RARS1: variants seen among roughly 807,000 people sequenced by gnomAD.
RARS1 encodes the protein arginyl-tRNA synthetase 1.
Under a neutral mutation model 78.7 loss-of-function variants are expected in RARS1, and 75 were observed. That is an observed-to-expected ratio of 0.95 (90% CI 0.79 to 1.15). The LOEUF (loss-of-function observed/expected upper bound fraction) is 1.15, where lower values mean the gene tolerates loss of function less well. Among genes scored for constraint, RARS1 ranks in the 50% most tolerant of loss-of-function variants. The pLI is 0.00. For missense variants in RARS1, 787 were observed against 787.5 expected, an observed-to-expected ratio of 1.00 and a Z score of 0.01; for synonymous variants, 273 against 268.2, an observed-to-expected ratio of 1.02 and a Z score of -0.18.
chr5:168,486,538 C>A lies in RARS1; in HGVS notation c.40C>A (p.Gln14Lys). 6.4e-7 allele frequency: 1 copy of A among 1,557,662 alleles called. No individual in the cohort carries two copies. The highest frequency in any genetic ancestry group is 8.7e-7 in the Non-Finnish European group (1 of 1,149,804). Residue 14 changes from glutamine (Q) to lysine (K), a missense_variant, in exon 1 of 15, where the codon CAG becomes AAG. Transcript: ENST00000231572. ...LVSECSARLL[Q>K]QEEEIKSLTA... is the part of the protein sequence containing the mutation. ...GTCTGAGTGCTCCGCGCGGCTGCTG[C>A]AGCAGGTTTGGACGCAGGAGACCGG... is the stretch of plus-strand genomic sequence containing the variant.
chr5:168,517,020 CT>C (rs35717210), intron 13 of RARS1, 70 bp downstream of exon 13: 111,563 of 1,058,534 alleles, frequency 0.11, no homozygotes, highest in South Asian at 0.14. Context: ...AAAATATTTT[CT>C]TTTTTTTTTT....
chr5:168,489,900 C>T (rs1266575035), intron 2 of RARS1, among the ~76,000 whole-genome samples: 4 of 151,770 alleles, frequency 2.6e-5, no homozygotes, highest in Non-Finnish European at 5.9e-5. Flanking sequence ...CAATAACCTC[C>T]ACCTCCCAGG....
At chr5:168,512,300 C>T (rs1477733337) in intron 12 of RARS1, among the ~76,000 whole-genome samples, 1 of 152,122 alleles carries the variant, frequency 6.6e-6, no homozygotes, top group Admixed American at 6.5e-5. Flanking sequence ...GTTGTTCAAG[C>T]CCTTTTAGAG....
At chr5:168,499,684 A>G (rs1015051852) in intron 7 of RARS1, among the ~76,000 whole-genome samples, 1 of 151,504 alleles carries the variant, frequency 6.6e-6, no homozygotes, top group African/African-American at 2.4e-5. Context: ...GTATAAATAA[A>G]TTGTTAAAAT....
chr5:168,500,605 G>C lies in RARS1; in HGVS notation c.837G>C (p.Arg279Ser). The C allele has an allele frequency of 6.4e-7, 1 of 1,566,466 alleles. No individual in the cohort carries two copies. Among genetic ancestry groups the C allele is most frequent in the Non-Finnish European group, 8.6e-7 (1 of 1,159,986 alleles). Residue 279 changes from arginine (R) to serine (S), a missense_variant, in exon 8 of 15, where the codon AGG (arginine) becomes AGC (serine). Coordinates refer to ENST00000231572, the MANE Select transcript of RARS1 (RefSeq NM_002887.4). ...LQVFYKESKK[R>S]FDTEEEFKKR... ...TATATATACAGGAATCTAAGAAGAG[G>C]TTTGATACTGAGGAGGAATTTAAGA...
rs140857749 is a variant in RARS1 at position 168,504,199 on chromosome 5, A to G, written c.1058-1822A>G. On this transcript the variant is annotated intron_variant, in intron 9 of 14. Transcript: ENST00000231572. ...GAGTTTGAGGCCAGCCTGGGCAACAATGTGTGAGACCCTGTCTCTACAAAT... is the reference window on the plus strand; with the variant it reads ...GAGTTTGAGGCCAGCCTGGGCAACAGTGTGTGAGACCCTGTCTCTACAAAT... Among the ~76,000 whole-genome samples the G allele has an allele frequency of 8.7e-3, 1,328 of 152,012 alleles. 13 individuals carry two copies. The highest frequency in any genetic ancestry group is 0.014 in the Non-Finnish European group (948 of 67,942).
At chr5:168,496,844 A>G (rs182849803) in intron 6 of RARS1, among the ~76,000 whole-genome samples, 1 of 152,350 alleles carries the variant, frequency 6.6e-6, no homozygotes, top group African/African-American at 2.4e-5. Context: ...TCTAAATTAT[A>G]TTAAGATAAT....
chr5:168,504,086 G>A (rs750203824), intron 9 of RARS1, among the ~76,000 whole-genome samples: 7 of 146,730 alleles, frequency 4.8e-5, no homozygotes, highest in African/African-American at 5.0e-5. Flanking sequence ...AAAGAATAAC[G>A]AGAGAGAGAG....
intron 12 of RARS1, among the ~76,000 whole-genome samples, 200 bp from the exon 13 acceptor site, chr5:168,516,578 T>C (rs1171960434): frequency 6.6e-6 from 1 of 152,234 alleles, no homozygotes; most frequent in African/African-American, 2.4e-5. Context: ...ACATTCTTCA[T>C]TGTGCATAAC....
chr5:168,490,276 T>C (rs4976615), intron 2 of RARS1, among the ~76,000 whole-genome samples: 1 of 152,168 alleles, frequency 6.6e-6, no homozygotes, highest in African/African-American at 2.4e-5. Flanking sequence ...TCTACACTTA[T>C]ATATGTTTAA....
At position 168,486,476 on chromosome 5, in the gene RARS1, G is replaced by A; in HGVS notation, c.-23G>A. On this transcript the variant is annotated 5_prime_UTR_variant, in exon 1 of 15. Coordinates refer to ENST00000231572, the MANE Select transcript of RARS1 (RefSeq NM_002887.4). ...GACCGTTTCCGCTTCCGTCCACTTGGCGAGTGAGACGCTGATGGGAGGATG... is the reference window on the plus strand; with the variant it reads ...GACCGTTTCCGCTTCCGTCCACTTGACGAGTGAGACGCTGATGGGAGGATG... 6.4e-7 allele frequency: 1 copy of A among 1,555,042 alleles called. No individual in the cohort carries two copies. The highest frequency in any genetic ancestry group is 8.7e-7 in the Non-Finnish European group (1 of 1,148,326).
At chr5:168,495,501 A>G in intron 6 of RARS1, 65 bp downstream of exon 6, 1 of 1,547,686 alleles carries the variant, frequency 6.5e-7, no homozygotes, top group Admixed American at 1.8e-5. Flanking sequence ...ATTCTATAGA[A>G]CATGGAATAT....
chr5:168,494,308 C>T (rs1758139553), intron 4 of RARS1: 2 of 985,260 alleles, frequency 2.0e-6, no homozygotes, highest in African/African-American at 1.7e-5. Context: ...AAGAGGCGAA[C>T]AGATTGTTTG....
chr5:168,497,323 T>C lies in RARS1; in HGVS notation c.797T>C (p.Ile266Thr), dbSNP rs372665148. 8.2e-6 allele frequency: 13 copies of C among 1,585,042 alleles called. No individual in the cohort carries two copies. Among genetic ancestry groups the C allele is most frequent in the African/African-American group, 2.7e-5 (2 of 74,092 alleles). Residue 266 changes from isoleucine to threonine, a missense_variant, in exon 7 of 15, where the codon ATT (isoleucine) becomes ACT (threonine). Coordinates refer to ENST00000231572, the MANE Select transcript of RARS1 (RefSeq NM_002887.4). ...GATTATCTAACAGTTTCACCTCCTA[T>C]TGGGGATCTTCAGGTCTTTTATAAG... ...FPDYLTVSPP[I>T]GDLQVFYKES...
chr5:168,487,311 A>C (rs529446665), intron 1 of RARS1, among the ~76,000 whole-genome samples: 1 of 152,112 alleles, frequency 6.6e-6, no homozygotes, highest in African/African-American at 2.4e-5. Context: ...GCTTGCAGTG[A>C]GCAGAGAGCA....
At chr5:168,503,476 ATAT>A (rs1247281077) in intron 9 of RARS1, among the ~76,000 whole-genome samples, 4 of 152,072 alleles carry the variant, frequency 2.6e-5, no homozygotes, top group Admixed American at 1.3e-4. Context: ...TTTGATTTTG[ATAT>A]TATTGTGGTG....
At chr5:168,488,542 TAG>T (rs1224293758) in intron 1 of RARS1, 58 bp from the exon 2 acceptor site, 3 of 1,527,558 alleles carry the variant, frequency 2.0e-6, no homozygotes, top group East Asian at 2.3e-5. Flanking sequence ...CACGCCTTGG[TAG>T]AGAGGGGAAA....
chr5:168,518,081 T>TTTTTTTTTTTTTTA lies in RARS1; in HGVS notation c.1873+32_1873+33insATTTTTTTTTTTTT. On this transcript the variant is annotated intron_variant, in intron 14 of 14. Transcript: ENST00000231572. Reference sequence around the variant, plus strand: ...CAGACTGGTGAGTGTCTTTTTTTTTTTTTTTTTTTTTTTTAGTGAGAGACA... The same window carrying TTTTTTTTTTTTTTA: ...CAGACTGGTGAGTGTCTTTTTTTTTTTTTTTTTTTTTTTATTTTTTTTTTTTTTAGTGAGAGACA... 7.0e-7 allele frequency: 1 copy of TTTTTTTTTTTTTTA among 1,421,116 alleles called. No homozygotes were observed. The highest frequency in any genetic ancestry group is 9.2e-7 in the Non-Finnish European group (1 of 1,092,150). The allele number at this position is 1,421,116 out of a possible 1,614,324, so 88.0% of individuals were successfully genotyped here.
At position 168,492,458 on chromosome 5, in the gene RARS1, A is replaced by G. The variant is rs191878422; in HGVS notation, c.181-201A>G. Among the ~76,000 whole-genome samples, 371 of 152,276 alleles carry G rather than the reference A, an allele frequency of 2.4e-3. 1 individual carries two copies. Among genetic ancestry groups the G allele is most frequent in the African/African-American group, 8.4e-3 (351 of 41,556 alleles). ...AAAGTAAGACCTCAGGGCATTTCCCATGGATGTCTTAGATGCCGTGGGATG... is the reference window on the plus strand; with the variant it reads ...AAAGTAAGACCTCAGGGCATTTCCCGTGGATGTCTTAGATGCCGTGGGATG... On this transcript the variant is annotated intron_variant, in intron 2 of 14. Transcript: ENST00000231572.
Sources: allele counts gnomAD v4.1 joint callset (sites outside exome capture counted in the v4.1 genomes callset), GRCh38; gene constraint gnomAD v4.1.1; transcripts MANE v1.5; gene names NCBI Gene and HGNC (gene_info 2026-07-23, HGNC 2026-07-21).